NCAM1: variants seen among roughly 807,000 people sequenced by gnomAD.
NCAM1 encodes the protein neural cell adhesion molecule 1.
Under a neutral mutation model 109.8 loss-of-function variants are expected in NCAM1, and 14 were observed. That is an observed-to-expected ratio of 0.13 (90% CI 0.08 to 0.20). The LOEUF (loss-of-function observed/expected upper bound fraction) is 0.20. NCAM1 is among the 10% of genes least tolerant of loss of function. The pLI is 1.00. For synonymous variants in NCAM1, 418 were observed against 442.9 expected (o/e 0.94, Z 0.70); for missense variants, 774 against 1,109.9 (o/e 0.70, Z 4.30).
intron 11 of NCAM1, 56 bp downstream of exon 11, chr11:113,232,410 G>C: frequency 2.0e-6 from 3 of 1,515,160 alleles, no homozygotes; most frequent in Non-Finnish European, 2.7e-6. Flanking sequence ...ACTCTAGGTG[G>C]GCTCCAAAAT....
chr11:113,094,728 C>A (rs781588991), intron 1 of NCAM1, among the ~76,000 whole-genome samples: 1 of 152,108 alleles, frequency 6.6e-6, no homozygotes, highest in Non-Finnish European at 1.5e-5. Flanking sequence ...AATGAGCCAG[C>A]GGCAGATAGG....
At chr11:113,210,139 G>A (rs1227811833) in intron 7 of NCAM1, among the ~76,000 whole-genome samples, 1 of 152,100 alleles carries the variant, frequency 6.6e-6, no homozygotes, top group African/African-American at 2.4e-5. Flanking sequence ...GATAAGCCTG[G>A]AAACACGATC....
intron 1 of NCAM1, among the ~76,000 whole-genome samples, chr11:113,141,504 C>G (rs992752452): frequency 6.6e-6 from 1 of 152,096 alleles, no homozygotes. Flanking sequence ...TAAAAAATAG[C>G]TGGGCGCGGT....
chr11:113,056,624 G>A (rs1273508366), intron 1 of NCAM1, among the ~76,000 whole-genome samples: 1 of 152,148 alleles, frequency 6.6e-6, no homozygotes, highest in Non-Finnish European at 1.5e-5. Flanking sequence ...GCATCCAGCT[G>A]ACAGCCCTCG....
chr11:113,018,182 TAA>T (rs11316364), intron 1 of NCAM1, among the ~76,000 whole-genome samples: 11 of 151,494 alleles, frequency 7.3e-5, no homozygotes, highest in Middle Eastern at 6.9e-3. Context: ...TTAATTGTGG[TAA>T]AAAAAAAACA....
intron 17 of NCAM1, chr11:113,262,738 G>T: frequency 8.2e-7 from 1 of 1,221,510 alleles, no homozygotes; most frequent in Non-Finnish European, 1.1e-6. Flanking sequence ...CCCTTCCTGT[G>T]TCTGTCGTCA....
chr11:113,232,454 C>A, intron 11 of NCAM1, 100 bp downstream of exon 11: 1 of 1,254,626 alleles, frequency 8.0e-7, no homozygotes, highest in Non-Finnish European at 1.1e-6. Context: ...TTCTCTGGCA[C>A]ATCCTGAGCA....
intron 1 of NCAM1, among the ~76,000 whole-genome samples, chr11:113,095,534 G>A (rs1033330524): frequency 5.3e-5 from 8 of 152,212 alleles, no homozygotes; most frequent in Non-Finnish European, 1.0e-4. Flanking sequence ...GCTCCTCCCA[G>A]GGGTCCTGAA....
intron 1 of NCAM1, among the ~76,000 whole-genome samples, chr11:112,992,566 A>ATC (rs1951491144): frequency 6.9e-6 from 1 of 143,890 alleles, no homozygotes. Flanking sequence ...CAGTGGCGTG[A>ATC]TCTCGGCTCA....
chr11:113,151,626 G>T (rs1383811968), intron 1 of NCAM1, among the ~76,000 whole-genome samples: 2 of 152,202 alleles, frequency 1.3e-5, no homozygotes, highest in African/African-American at 4.8e-5. Flanking sequence ...AAGTTGAAAT[G>T]ATAGGAAAAA....
At chr11:112,988,084 C>T (rs7112465) in intron 1 of NCAM1, among the ~76,000 whole-genome samples, 1,540 of 152,060 alleles carry the variant, frequency 0.01, 25 homozygotes, top group African/African-American at 0.035. Context: ...TACCATGAGG[C>T]GTACATAGAG....
intron 9 of NCAM1, among the ~76,000 whole-genome samples, chr11:113,227,628 G>A (rs1677334499): frequency 6.6e-6 from 1 of 151,964 alleles, no homozygotes; most frequent in South Asian, 2.1e-4. Context: ...AGACACAACA[G>A]AAAAAGAGAA....
intron 1 of NCAM1, among the ~76,000 whole-genome samples, chr11:113,115,287 A>G (rs1940650873): frequency 6.6e-6 from 1 of 152,194 alleles, no homozygotes; most frequent in Non-Finnish European, 1.5e-5. Flanking sequence ...AGGAAGCTTT[A>G]TTATGATAAT....
chr11:112,962,439 T>G lies in NCAM1; in HGVS notation c.52+775T>G, dbSNP rs557479509. 2.6e-5 allele frequency among the ~76,000 whole-genome samples: 4 copies of G among 151,492 alleles called. No individual in the cohort carries two copies. Among genetic ancestry groups the G allele is most frequent in the South Asian group, 2.1e-4 (1 of 4,774 alleles). Reference sequence around the variant, plus strand: ...AGGGCGTGATTGGGGCTGCCTGGTGTGTGCGCGCGCGTGTGCGCGCGTGTG... The same window carrying G: ...AGGGCGTGATTGGGGCTGCCTGGTGGGTGCGCGCGCGTGTGCGCGCGTGTG... On this transcript the variant is annotated intron_variant, in intron 1 of 19. Coordinates refer to ENST00000316851, the MANE Select transcript of NCAM1 (RefSeq NM_181351.5). This position sits in a 1 kb window ranked among gnomAD's most constrained non-coding sequence, Gnocchi z 5.6.
intron 1 of NCAM1, among the ~76,000 whole-genome samples, chr11:113,034,199 A>T (rs573071733): frequency 1.8e-4 from 28 of 152,118 alleles, no homozygotes; most frequent in African/African-American, 6.3e-4. Context: ...TTGTCCAGTC[A>T]TGCGCAGGCA....
At chr11:113,086,550 C>A (rs1298857875) in intron 1 of NCAM1, among the ~76,000 whole-genome samples, 1 of 152,136 alleles carries the variant, frequency 6.6e-6, no homozygotes, top group Non-Finnish European at 1.5e-5. Flanking sequence ...TGTCTTGCTT[C>A]GAAGTTCTTG....
At chr11:113,153,955 C>T (rs781943778) in intron 1 of NCAM1, among the ~76,000 whole-genome samples, 28 of 152,210 alleles carry the variant, frequency 1.8e-4, no homozygotes, top group Non-Finnish European at 3.2e-4. Flanking sequence ...ATTAATTGAA[C>T]AAATATTTAT....
At chr11:113,018,540 G>A (rs1225057934) in intron 1 of NCAM1, among the ~76,000 whole-genome samples, 1 of 152,024 alleles carries the variant, frequency 6.6e-6, no homozygotes, top group Non-Finnish European at 1.5e-5. Flanking sequence ...CTGTGGATGA[G>A]GCTACACAAA....
chr11:113,220,150 A>C (rs140730500), intron 8 of NCAM1, among the ~76,000 whole-genome samples: 58 of 152,328 alleles, frequency 3.8e-4, no homozygotes, highest in African/African-American at 1.3e-3. Flanking sequence ...AGTATGAAAA[A>C]CAGATAAACT....
Sources: allele counts gnomAD v4.1 joint callset (sites outside exome capture counted in the v4.1 genomes callset), GRCh38; gene constraint gnomAD v4.1.1; non-coding constraint Gnocchi (gnomAD v3.1); transcripts MANE v1.5; gene names NCBI Gene and HGNC (gene_info 2026-07-23, HGNC 2026-07-21).